ETV6: variants seen among roughly 807,000 people sequenced by gnomAD.
ETV6 encodes the protein transcription factor ETV6.
In ETV6, 16 loss-of-function variants were observed where a neutral mutation model predicts 51.1. The observed-to-expected ratio is 0.31, with a 90% CI of 0.21 to 0.48. The LOEUF is 0.48. ETV6 is among the 20% of genes least tolerant of loss of function. The pLI is 0.99. For missense variants in ETV6, 458 were observed against 594.8 expected (o/e 0.77, Z 2.39); for synonymous variants, 240 against 224.1 (o/e 1.07, Z -0.64).
intron 1 of ETV6, among the ~76,000 whole-genome samples, chr12:11,718,603 TAAAAAAA>T (rs35535946): frequency 9.5e-6 from 1 of 105,660 alleles, no homozygotes; most frequent in Non-Finnish European, 2.0e-5. Context: ...CCATCGCTAC[TAAAAAAA>T]AAAAAAAAAA....
At chr12:11,848,406 C>A (rs866886502) in intron 3 of ETV6, among the ~76,000 whole-genome samples, 1 of 152,178 alleles carries the variant, frequency 6.6e-6, no homozygotes, top group Admixed American at 6.5e-5. Flanking sequence ...AAATTTAACC[C>A]CCCTCAACAG....
intron 1 of ETV6, among the ~76,000 whole-genome samples, chr12:11,653,672 C>T (rs1196949937): frequency 6.6e-6 from 1 of 152,024 alleles, no homozygotes; most frequent in African/African-American, 2.4e-5. Flanking sequence ...TGCGTGTAAC[C>T]TCAGGGTGAC....
At chr12:11,657,283 G>A (rs138305617) in intron 1 of ETV6, among the ~76,000 whole-genome samples, 3 of 152,322 alleles carry the variant, frequency 2.0e-5, no homozygotes, top group Non-Finnish European at 4.4e-5. Flanking sequence ...GCCAGAGTCA[G>A]AATCAGTGTT....
At chr12:11,732,279 A>G (rs941218840) in intron 1 of ETV6, among the ~76,000 whole-genome samples, 1 of 152,152 alleles carries the variant, frequency 6.6e-6, no homozygotes, top group South Asian at 2.1e-4. Context: ...ACTGCACTAT[A>G]TGGTGAAAAA....
intron 1 of ETV6, among the ~76,000 whole-genome samples, chr12:11,721,789 T>C (rs1341074624): frequency 6.6e-6 from 1 of 152,222 alleles, no homozygotes; most frequent in Admixed American, 6.5e-5. Flanking sequence ...CACCCTGGCA[T>C]ATAATAGATG....
At chr12:11,669,492 T>C (rs1269018085) in intron 1 of ETV6, among the ~76,000 whole-genome samples, 1 of 151,336 alleles carries the variant, frequency 6.6e-6, no homozygotes, top group Admixed American at 6.6e-5. Context: ...GCCTCGGCTG[T>C]GCTGCCTCTT....
intron 4 of ETV6, among the ~76,000 whole-genome samples, chr12:11,864,775 A>G (rs1313087939): frequency 6.6e-6 from 1 of 152,134 alleles, no homozygotes; most frequent in East Asian, 1.9e-4. Context: ...AGCTTTTTAT[A>G]ACAGGAAATA....
At chr12:11,697,906 C>A (rs949971546) in intron 1 of ETV6, among the ~76,000 whole-genome samples, 3 of 152,120 alleles carry the variant, frequency 2.0e-5, no homozygotes, top group Non-Finnish European at 2.9e-5. Flanking sequence ...TAAGGTAATG[C>A]AATTTGGCAA....
chr12:11,753,089 A>G (rs1167592159), intron 2 of ETV6, among the ~76,000 whole-genome samples: 3 of 151,336 alleles, frequency 2.0e-5, no homozygotes, highest in Non-Finnish European at 2.9e-5. Flanking sequence ...CTAGGCCTGC[A>G]TAGGTCCTCT....
In ETV6 at chr12:11,744,729, A is replaced by G. The variant is rs144816873; in HGVS notation, c.34-7721A>G. 3.9e-5 allele frequency among the ~76,000 whole-genome samples: 6 copies of G among 152,184 alleles called. No individual in the cohort carries two copies. In the East Asian group the frequency reaches 1.2e-3, roughly 29 times the overall value. On this transcript the variant is annotated intron_variant, in intron 1 of 7. Coordinates refer to ENST00000396373, the MANE Select transcript of ETV6 (RefSeq NM_001987.5). ...GGGGCTGCAGAATGGTGTGATTTAAATTTTCCCATGCAGGTTCAAAGCTTG... is the reference window on the plus strand; with the variant it reads ...GGGGCTGCAGAATGGTGTGATTTAAGTTTTCCCATGCAGGTTCAAAGCTTG...
At chr12:11,875,016 G>A (rs1319092259) in intron 5 of ETV6, among the ~76,000 whole-genome samples, 1 of 149,226 alleles carries the variant, frequency 6.7e-6, no homozygotes, top group Non-Finnish European at 1.5e-5. Flanking sequence ...TGCACATTGT[G>A]CACATGTACC....
At chr12:11,812,830 TCTG>T (rs1317934329) in intron 2 of ETV6, among the ~76,000 whole-genome samples, 4 of 152,192 alleles carry the variant, frequency 2.6e-5, no homozygotes, top group Non-Finnish European at 4.4e-5. Flanking sequence ...CAGTTTGAAA[TCTG>T]CTTCACCACC....
intron 2 of ETV6, among the ~76,000 whole-genome samples, chr12:11,815,011 A>G (rs550640690): frequency 4.6e-5 from 7 of 152,326 alleles, no homozygotes; most frequent in Admixed American, 2.6e-4. Context: ...AGAAGGAAAC[A>G]GAGGCCCTAA....
intron 2 of ETV6, chr12:11,768,923 C>A (rs868081149): frequency 1.0e-5 from 5 of 485,226 alleles, no homozygotes; most frequent in Middle Eastern, 3.2e-4. Context: ...CCATTTGTGA[C>A]TGCTTGGGCT....
At chr12:11,863,698 T>C (rs1012779925) in intron 4 of ETV6, among the ~76,000 whole-genome samples, 3 of 152,246 alleles carry the variant, frequency 2.0e-5, no homozygotes, top group African/African-American at 7.2e-5. Flanking sequence ...ATGCACCCAC[T>C]GTCCGCTCAG....
Position 11,853,522 on chromosome 12 carries a change from A to C in ETV6, c.424A>C (p.Thr142Pro). 3 of 1,614,220 alleles carry C rather than the reference A, an allele frequency of 1.9e-6. No individual in the cohort carries two copies. The highest frequency in any genetic ancestry group is 2.5e-6 in the Non-Finnish European group (3 of 1,180,044). Residue 142 changes from threonine to proline, a missense_variant, in exon 4 of 8, where the codon ACA becomes CCA. This residue lies in a region of ETV6 where 293 missense variants were observed against 315.7 expected (regional missense o/e 0.93). Transcript: ENST00000396373. ...PFFHPGNSIH[T>P]QPEVILHQNH... is the part of the protein sequence containing the mutation. ...CTTCCACCCTGGAAACTCTATACACACACAGCCGGAGGTCATACTGCATCA... is the reference window on the plus strand; with the variant it reads ...CTTCCACCCTGGAAACTCTATACACCCACAGCCGGAGGTCATACTGCATCA...
chr12:11,692,258 G>C (rs994050318), intron 1 of ETV6, among the ~76,000 whole-genome samples: 10 of 152,118 alleles, frequency 6.6e-5, no homozygotes, highest in Non-Finnish European at 1.3e-4. Flanking sequence ...CCCTTACCTT[G>C]TGTTACCCTG....
At chr12:11,746,474 T>C (rs1865910699) in intron 1 of ETV6, among the ~76,000 whole-genome samples, 1 of 152,184 alleles carries the variant, frequency 6.6e-6, no homozygotes, top group South Asian at 2.1e-4. Flanking sequence ...TAATGCTAGC[T>C]CTCTTTCCTG....
intron 2 of ETV6, among the ~76,000 whole-genome samples, chr12:11,789,519 G>C (rs573236426): frequency 6.6e-6 from 1 of 151,968 alleles, no homozygotes; most frequent in Admixed American, 6.6e-5. Context: ...TCTCTCCTTC[G>C]GGTGTGAGTC....
Sources: allele counts gnomAD v4.1 joint callset (sites outside exome capture counted in the v4.1 genomes callset), GRCh38; gene constraint gnomAD v4.1.1; regional missense constraint gnomAD v4.1.1; transcripts MANE v1.5; gene names NCBI Gene and HGNC (gene_info 2026-07-23, HGNC 2026-07-21).